PAICS: variants seen among roughly 807,000 people sequenced by gnomAD.
PAICS encodes the protein bifunctional phosphoribosylaminoimidazole carboxylase/phosphoribosylaminoimidazole succinocarboxamide synthetase.
Under a neutral mutation model 53.7 loss-of-function variants are expected in PAICS, and 33 were observed. The observed-to-expected ratio is 0.61, with a 90% CI of 0.47 to 0.82. PAICS has a LOEUF of 0.82. PAICS is among the 40% of genes least tolerant of loss of function. The pLI, the probability that PAICS is intolerant of heterozygous loss-of-function variation, is 0.00. For synonymous variants in PAICS, 141 were observed against 167.2 expected (o/e 0.84, Z 1.21); for missense variants, 394 against 494.1 (o/e 0.80, Z 1.92).
intron 8 of PAICS, 49 bp from the exon 9 acceptor site, chr4:56,459,323 C>G: frequency 7.2e-7 from 1 of 1,383,630 alleles, no homozygotes. Context: ...GTTGTATTTT[C>G]ATTACTAATT....
intron 6 of PAICS, 40 bp downstream of exon 6, chr4:56,450,742 T>G: frequency 1.0e-6 from 1 of 953,928 alleles, no homozygotes; most frequent in East Asian, 2.6e-5. Flanking sequence ...TTATGTGTTT[T>G]TCTTCTAAGA....
chr4:56,450,827 GT>G, intron 6 of PAICS, 125 bp downstream of exon 6: 30 of 621,354 alleles, frequency 4.8e-5, no homozygotes, highest in East Asian at 8.6e-5. Flanking sequence ...TTTTGTTGTT[GT>G]TTTTTTTGAG....
At chr4:56,421,071 C>T in the PAICS span, 5 of 152,186 alleles carry the variant, frequency 3.3e-5, no homozygotes, top group African/African-American at 9.7e-5. Flanking sequence ...ACAGACACTC[C>T]CCATCATGCA....
chr4:56,443,985 A>T (rs939602906), intron 2 of PAICS, among the ~76,000 whole-genome samples: 2 of 152,210 alleles, frequency 1.3e-5, no homozygotes, highest in South Asian at 2.1e-4. Flanking sequence ...TGAATTTTTT[A>T]AAATTTCTAA....
the PAICS span, among the ~76,000 whole-genome samples, chr4:56,416,001 C>T: frequency 1.9e-4 from 28 of 151,044 alleles, no homozygotes; most frequent in African/African-American, 5.8e-4. Flanking sequence ...ACCCGGGAGG[C>T]GGAGGTTGCA....
intron 1 of PAICS, among the ~76,000 whole-genome samples, chr4:56,437,256 G>GGTGTGTGTGT (rs57161391): frequency 0.016 from 1,988 of 124,380 alleles, 31 homozygotes; most frequent in Non-Finnish European, 0.017. Context: ...ATGCCATGAT[G>GGTGTGTGTGT]GTGTGTGTGT....
chr4:56,425,427 C>A, the PAICS span: 1 of 937,282 alleles, frequency 1.1e-6, no homozygotes, highest in Non-Finnish European at 1.3e-6. Flanking sequence ...CGAAGACTTA[C>A]AAATGTGAAA....
At chr4:56,436,962 A>T (rs1439237411) in intron 1 of PAICS, among the ~76,000 whole-genome samples, 1 of 152,112 alleles carries the variant, frequency 6.6e-6, no homozygotes, top group Non-Finnish European at 1.5e-5. Context: ...GCGCCATTGC[A>T]CTCCAGCCTG....
intron 6 of PAICS, 136 bp from the exon 7 acceptor site, chr4:56,451,736 G>T (rs1339202416): frequency 4.1e-6 from 2 of 483,968 alleles, no homozygotes; most frequent in Non-Finnish European, 7.3e-6. Flanking sequence ...CTGTCTTTTT[G>T]TTGTTTGTCT....
chr4:56,424,423 T>A, the PAICS span, among the ~76,000 whole-genome samples: 57 of 152,276 alleles, frequency 3.7e-4, no homozygotes, highest in Middle Eastern at 3.4e-3. Flanking sequence ...GAGGACTGAT[T>A]CACACAGAAG....
At chr4:56,458,892 A>G (rs1195642201) in intron 8 of PAICS, among the ~76,000 whole-genome samples, 1 of 152,152 alleles carries the variant, frequency 6.6e-6, no homozygotes, top group African/African-American at 2.4e-5. Context: ...AAATTATTCT[A>G]CGGATTTGAC....
chr4:56,436,206 G>T (rs986159542), upstream of PAICS: 183 of 1,528,704 alleles, frequency 1.2e-4, no homozygotes, highest in Non-Finnish European at 1.6e-4. Context: ...GCAGGGTCGC[G>T]CGGCCCCGCC....
intron 1 of PAICS, among the ~76,000 whole-genome samples, chr4:56,439,797 G>T (rs1004345267): frequency 4.0e-5 from 6 of 151,852 alleles, no homozygotes; most frequent in Non-Finnish European, 7.4e-5. Flanking sequence ...GCTAATTTTT[G>T]TTTTTTTGGT....
At chr4:56,434,500 T>C (rs545427823), upstream of PAICS, among the ~76,000 whole-genome samples, 2 of 152,314 alleles carry the variant, frequency 1.3e-5, no homozygotes, top group South Asian at 4.1e-4. Flanking sequence ...TTAAGTCAGG[T>C]AGTAAGAAAA....
chr4:56,435,206 C>T (rs562034010), upstream of PAICS: 87 of 1,239,114 alleles, frequency 7.0e-5, no homozygotes, highest in East Asian at 1.9e-3. Context: ...CTAGGCAACC[C>T]GGTCGACGCC....
chr4:56,431,042 G>T (rs931327658), upstream of PAICS, among the ~76,000 whole-genome samples: 6 of 151,914 alleles, frequency 3.9e-5, no homozygotes, highest in African/African-American at 1.5e-4. Flanking sequence ...TTATTTTAAA[G>T]CAAGAATCAC....
At chr4:56,436,192 T>G, upstream of PAICS, 1 of 1,513,954 alleles carries the variant, frequency 6.6e-7, no homozygotes, top group African/African-American at 1.4e-5. Context: ...TCGAAAAGAG[T>G]GGCGCAGGGT....
chr4:56,448,944 G>C (rs930866473), intron 5 of PAICS, 121 bp downstream of exon 5: 2 of 614,614 alleles, frequency 3.3e-6, no homozygotes, highest in African/African-American at 3.7e-5. Context: ...TTTGTGGATT[G>C]CTGTTTATTT....
At chr4:56,414,705 C>G in the PAICS span, among the ~76,000 whole-genome samples, 4,054 of 152,196 alleles carry the variant, frequency 0.027, 198 homozygotes, top group African/African-American at 0.092. Flanking sequence ...TTTCTATGGA[C>G]GTAAATCTGG....
Sources: gnomAD v4.1 joint callset for allele counts (sites outside exome capture counted in the v4.1 genomes callset) on GRCh38, gnomAD v4.1.1 for gene constraint, MANE v1.5 for transcripts, NCBI Gene and HGNC (gene_info 2026-07-23, HGNC 2026-07-21) for gene names.